Variants in MMS22L observed in about 807,000 individuals in gnomAD.
MMS22L encodes the protein MMS22 like, DNA repair protein, also known as protein MMS22-like.
A neutral mutation model predicts 159.1 loss-of-function variants in MMS22L; 74 were observed. The ratio of observed to expected loss-of-function variants is 0.47; its 90% CI spans 0.39 to 0.56. The LOEUF (loss-of-function observed/expected upper bound fraction) is 0.56, where lower values mean the gene tolerates loss of function less well. MMS22L is among the 20% of genes least tolerant of loss of function. The pLI is 0.00. For synonymous variants in MMS22L, 517 were observed against 506.9 expected (o/e 1.02, Z -0.27); for missense variants, 1,351 against 1,422.1 (o/e 0.95, Z 0.80).
Position 97,186,587 on chromosome 6 carries a change from T to C in MMS22L, c.2143A>G (p.Ser715Gly), listed in dbSNP as rs190957267. 1.9e-6 allele frequency: 3 copies of C among 1,612,614 alleles called. No homozygotes were observed. Among genetic ancestry groups the C allele is most frequent in the Admixed American group, 3.4e-5 (2 of 59,608 alleles). Reference protein sequence around the residue: ...AKERHLAAVASALWRHFFSFL... With the variant: ...AKERHLAAVAGALWRHFFSFL... ...GAAAAGAAATGTCTCCACAGTGCAC[T>C]GGCAACTGCAGCAAGGTGGCGCTCT... The change falls in exon 15 of 25, where the codon AGT becomes GGT. Residue 715 changes from serine (S) to glycine (G), a missense_variant. Transcript: ENST00000683635.
At chr6:97,281,608 A>G (rs1042546432) in intron 2 of MMS22L, among the ~76,000 whole-genome samples, 1 of 152,214 alleles carries the variant, frequency 6.6e-6, no homozygotes, top group Non-Finnish European at 1.5e-5. Flanking sequence ...AAGAATTCTA[A>G]AAAACATATT....
intron 14 of MMS22L, among the ~76,000 whole-genome samples, chr6:97,215,815 TA>T (rs936317015): frequency 1.3e-5 from 2 of 152,138 alleles, no homozygotes; most frequent in Admixed American, 6.6e-5. Flanking sequence ...TGAATTCCCT[TA>T]AACCCCCCTG....
chr6:97,166,693 TACACCAA>T (rs1802993434), intron 20 of MMS22L, among the ~76,000 whole-genome samples: 1 of 152,248 alleles, frequency 6.6e-6, no homozygotes, highest in South Asian at 2.1e-4. Context: ...AAACAGATAA[TACACCAA>T]ACTTTTAAAT....
At chr6:97,183,336 C>T (rs1192190479) in intron 15 of MMS22L, among the ~76,000 whole-genome samples, 1 of 152,096 alleles carries the variant, frequency 6.6e-6, no homozygotes, top group Non-Finnish European at 1.5e-5. Context: ...TTGCTCCTTT[C>T]TTGATTTGTG....
At chr6:97,240,359 G>A (rs1811919900) in intron 11 of MMS22L, among the ~76,000 whole-genome samples, 1 of 152,140 alleles carries the variant, frequency 6.6e-6, no homozygotes, top group Non-Finnish European at 1.5e-5. Context: ...AATTCATAGA[G>A]CATGTTTCTT....
intron 14 of MMS22L, among the ~76,000 whole-genome samples, chr6:97,191,324 T>A (rs1805841211): frequency 6.6e-6 from 1 of 152,206 alleles, no homozygotes; most frequent in African/African-American, 2.4e-5. Context: ...AGTTTTCGCC[T>A]CTAATCTTGG....
intron 9 of MMS22L, chr6:97,260,986 T>C (rs1057043285): frequency 6.6e-6 from 1 of 152,166 alleles, no homozygotes; most frequent in Non-Finnish European, 1.5e-5. Flanking sequence ...ATGGGTACCA[T>C]GATTCATTTT....
chr6:97,178,573 A>G lies in MMS22L; in HGVS notation c.2549T>C (p.Met850Thr). Residue 850 changes from methionine (M) to threonine (T), a missense_variant, in exon 18 of 25, where the codon ATG becomes ACG. Met to Thr is a moderately conservative substitution (Grantham distance 81). Transcript: ENST00000683635. ...TCTTGTCAGTTTGACCAACTGTTTCATGTACTCTTTTTCTGTTAAAATAAA... is the reference window on the plus strand; with the variant it reads ...TCTTGTCAGTTTGACCAACTGTTTCGTGTACTCTTTTTCTGTTAAAATAAA... ...NLEEAVEKEY[M>T]KQLVKLTRLL... The G allele has an allele frequency of 1.3e-6, 2 of 1,520,736 alleles. No homozygotes were observed. The highest frequency in any genetic ancestry group is 1.8e-6 in the Non-Finnish European group (2 of 1,113,984). The allele number at this position is 1,520,736 out of a possible 1,614,324, so 94.2% of individuals were successfully genotyped here. A position where few individuals can be genotyped will look rare whatever the true frequency, so the allele number is the denominator to read the frequency against.
Position 97,152,079 on chromosome 6 carries a change from C to T in MMS22L, c.3386-212G>A, listed in dbSNP as rs1801375230. Among the ~76,000 whole-genome samples the T allele has an allele frequency of 1.3e-5, 2 of 152,074 alleles. 1 individual carries two copies. The highest frequency in any genetic ancestry group is 4.1e-4 in the South Asian group (2 of 4,830). On this transcript the variant is annotated intron_variant, in intron 22 of 24. Coordinates refer to ENST00000683635, the MANE Select transcript of MMS22L (RefSeq NM_001350599.2). The stretch of plus-strand genomic sequence containing the variant: ...TAAGAAAATATAAAAGTTTAAAAGT[C>T]TACTTTTTAGTCTGAAATAATACAT...
At chr6:97,212,010 T>G (rs1012463831) in intron 14 of MMS22L, among the ~76,000 whole-genome samples, 1 of 152,202 alleles carries the variant, frequency 6.6e-6, no homozygotes, top group Admixed American at 6.5e-5. Context: ...CTTTATTTTA[T>G]GTAGGGCAAT....
At chr6:97,214,340 T>C (rs1562466439) in intron 14 of MMS22L, among the ~76,000 whole-genome samples, 1 of 151,992 alleles carries the variant, frequency 6.6e-6, no homozygotes, top group African/African-American at 2.4e-5. Flanking sequence ...TATTATGGTA[T>C]ATCTACACAA....
intron 19 of MMS22L, among the ~76,000 whole-genome samples, chr6:97,172,744 T>A (rs951522112): frequency 6.6e-6 from 1 of 152,136 alleles, no homozygotes; most frequent in Non-Finnish European, 1.5e-5. Flanking sequence ...AGCGTTTTTT[T>A]AAAAAAGGTC....
intron 9 of MMS22L, chr6:97,261,174 C>G (rs994698708): frequency 2.6e-5 from 4 of 152,196 alleles, no homozygotes; most frequent in African/African-American, 9.7e-5. Flanking sequence ...CCCTGCCTTG[C>G]TAGAAAGGCT....
intron 22 of MMS22L, among the ~76,000 whole-genome samples, chr6:97,153,434 T>C (rs1435665005): frequency 1.4e-5 from 2 of 143,706 alleles, no homozygotes; most frequent in African/African-American, 5.3e-5. Flanking sequence ...TGCAGTGGCA[T>C]GATCTCAGCT....
rs1182244651 is a variant in MMS22L, at chr6:97,282,520, T to C, written c.-43A>G. 2.5e-6 allele frequency: 3 copies of C among 1,181,772 alleles called. No homozygotes were observed. The highest frequency in any genetic ancestry group is 1.3e-5 in the South Asian group (1 of 78,576). 73.2% of individuals were successfully genotyped at this position (1,181,772 alleles called of 1,614,324 possible). Reference sequence around the variant, plus strand: ...GAAACACTTGGGGTTCGTCGTATCATTAAGGGCTCCAAAGAGAAGGTGTGA... The same window carrying C: ...GAAACACTTGGGGTTCGTCGTATCACTAAGGGCTCCAAAGAGAAGGTGTGA... On this transcript the variant is annotated 5_prime_UTR_variant, in exon 2 of 25. An upstream start codon of the reference 5' UTR is lost. Coordinates refer to ENST00000683635, the MANE Select transcript of MMS22L (RefSeq NM_001350599.2).
At chr6:97,212,690 C>G (rs1808517353) in intron 14 of MMS22L, among the ~76,000 whole-genome samples, 1 of 152,174 alleles carries the variant, frequency 6.6e-6, no homozygotes, top group Admixed American at 6.5e-5. Flanking sequence ...AGAGCAGAGT[C>G]AGGATTCAAA....
At chr6:97,179,093 C>G (rs1374564530) in intron 17 of MMS22L, among the ~76,000 whole-genome samples, 1 of 152,016 alleles carries the variant, frequency 6.6e-6, no homozygotes, top group Admixed American at 6.6e-5. Context: ...CAGAGTTCTA[C>G]TTTTTTCGTG....
At chr6:97,189,591 T>TAAAAA (rs1241638061) in intron 14 of MMS22L, among the ~76,000 whole-genome samples, 1 of 113,384 alleles carries the variant, frequency 8.8e-6, no homozygotes, top group Non-Finnish European at 1.9e-5. Flanking sequence ...AATAATTAAT[T>TAAAAA]AAAAAAAAAA....
intron 21 of MMS22L, among the ~76,000 whole-genome samples, chr6:97,163,249 T>C (rs1011834633): frequency 3.3e-5 from 5 of 151,878 alleles, no homozygotes; most frequent in East Asian, 1.9e-4. Flanking sequence ...AGGCCCACCA[T>C]GGAGTGGAGA....
Sources: gnomAD v4.1 joint callset for allele counts (sites outside exome capture counted in the v4.1 genomes callset) on GRCh38, gnomAD v4.1.1 for gene constraint, MANE v1.5 for transcripts, NCBI Gene and HGNC (gene_info 2026-07-23, HGNC 2026-07-21) for gene names.